SLC4A3: variants seen among roughly 807,000 people sequenced by gnomAD.
SLC4A3 encodes the protein anion exchange protein 3.
A neutral mutation model predicts 114.2 loss-of-function variants in SLC4A3; 47 were observed. That is an observed-to-expected ratio of 0.41 (90% CI 0.33 to 0.52). SLC4A3 has a LOEUF of 0.52. SLC4A3 is among the 20% of genes least tolerant of loss of function. SLC4A3 has a pLI of 0.21. For missense variants in SLC4A3, 1,312 were observed against 1,668.3 expected (o/e 0.79, Z 3.72); for synonymous variants, 693 against 710.3 (o/e 0.98, Z 0.39).
rs1699051184 is a variant in SLC4A3, at chr2:219,634,516, G to A, written c.1658G>A (p.Arg553His). Reference protein sequence around the residue: ...ESVLEVPVPVRFLFVMLGPSH... With the variant: ...ESVLEVPVPVHFLFVMLGPSH... ...GTGCTTGAGGTCCCTGTCCCGGTCC[G>A]CTTCCTCTTCGTGATGCTGGGGCCC... is the stretch of plus-strand genomic sequence containing the variant. The change falls in exon 12 of 23, where the codon CGC becomes CAC. Residue 553 changes from arginine to histidine, a missense_variant. This residue lies in a region of SLC4A3 where 771 missense variants were observed against 977.7 expected (regional missense o/e 0.79). Transcript: ENST00000358055. 7 of 1,614,102 alleles carry A rather than the reference G, an allele frequency of 4.3e-6. No homozygotes were observed. Among genetic ancestry groups the A allele is most frequent in the East Asian group, 2.2e-5 (1 of 44,892 alleles).
chr2:219,636,206 T>C lies in SLC4A3; in HGVS notation c.2192-96T>C. On this transcript the variant is annotated intron_variant, in intron 14 of 22. Transcript: ENST00000358055. This position sits in a 1 kb window ranked among gnomAD's most constrained non-coding sequence, Gnocchi z 5.5. Reference sequence around the variant, plus strand: ...TGTGTGTCACTCTAAGGGGCTGCTCTGCTTTTGTTGGGGGCCCCAGTTTAG... The same window carrying C: ...TGTGTGTCACTCTAAGGGGCTGCTCCGCTTTTGTTGGGGGCCCCAGTTTAG... 3 of 1,443,258 alleles carry C rather than the reference T, an allele frequency of 2.1e-6. No homozygotes were observed. The highest frequency in any genetic ancestry group is 2.9e-6 in the Non-Finnish European group (3 of 1,042,596). The allele number at this position is 1,443,258 out of a possible 1,614,324, so 89.4% of individuals were successfully genotyped here.
rs765993437 is a variant in SLC4A3, at chr2:219,637,697, C to A, written c.2652C>A (p.Pro884=). ...CCCTGCCCCCCACCGAGGGCCCCCC[C>A]AGCCCGAGGAACCAGCCCAATACGG... ...GSALPPTEGP[P]SPRNQPNTAL... The change falls in exon 17 of 23, where the codon CCC becomes CCA. Residue 884 remains proline, a synonymous_variant. Coordinates refer to ENST00000358055, the MANE Select transcript of SLC4A3 (RefSeq NM_005070.4). The surrounding 1 kb of genome is among the most constrained non-coding windows in gnomAD (Gnocchi z 4.6). 3.1e-6 allele frequency: 5 copies of A among 1,613,106 alleles called. No homozygotes were observed. Among genetic ancestry groups the A allele is most frequent in the African/African-American group, 2.7e-5 (2 of 74,890 alleles).
rs1278371476 is a variant in SLC4A3, at chr2:219,629,667, A to G, written c.583A>G (p.Thr195Ala). 6.2e-7 allele frequency: 1 copy of G among 1,612,356 alleles called. No individual in the cohort carries two copies. Among genetic ancestry groups the G allele is most frequent in the Non-Finnish European group, 8.5e-7 (1 of 1,179,408 alleles). The change falls in exon 5 of 23, where the codon ACT (threonine) becomes GCT (alanine). Residue 195 changes from threonine (T) to alanine (A), a missense_variant. Thr to Ala is a moderately conservative substitution (Grantham distance 58). Coordinates refer to ENST00000358055, the MANE Select transcript of SLC4A3 (RefSeq NM_005070.4). ...GCCCCTGCCCTCGGTGGGCCCACAC[A>G]CTGACAAGAGCCCCCAGCACTCCAG... is the stretch of plus-strand genomic sequence containing the variant. Reference protein sequence around the residue: ...TKPLPSVGPHTDKSPQHSSSS... With the variant: ...TKPLPSVGPHADKSPQHSSSS...
Position 219,630,538 on chromosome 2 carries a change from A to C in SLC4A3, c.811+186A>C, listed in dbSNP as rs908047671. 6.6e-6 allele frequency among the ~76,000 whole-genome samples: 1 copy of C among 152,082 alleles called. No homozygotes were observed. Among genetic ancestry groups the C allele is most frequent in the Non-Finnish European group, 1.5e-5 (1 of 68,002 alleles). Reference sequence around the variant, plus strand: ...CCCAGCCACCCTCTCTGACGGCCAGAGCTGAGATTTCCTTTCCTGACACCT... The same window carrying C: ...CCCAGCCACCCTCTCTGACGGCCAGCGCTGAGATTTCCTTTCCTGACACCT... On this transcript the variant is annotated intron_variant, in intron 6 of 22. Transcript: ENST00000358055. This position sits in a 1 kb window ranked among gnomAD's most constrained non-coding sequence, Gnocchi z 6.9.
rs967037301 is a variant in SLC4A3 at position 219,637,944 on chromosome 2, G to T, written c.2766+133G>T. The T allele has an allele frequency of 2.7e-6, 2 of 745,932 alleles. No individual in the cohort carries two copies. Among genetic ancestry groups the T allele is most frequent in the Non-Finnish European group, 4.6e-6 (2 of 438,424 alleles). The allele number at this position is 745,932 out of a possible 1,614,324, so 46.2% of individuals were successfully genotyped here. On this transcript the variant is annotated intron_variant, in intron 17 of 22. Coordinates refer to ENST00000358055, the MANE Select transcript of SLC4A3 (RefSeq NM_005070.4). The surrounding 1 kb of genome is among the most constrained non-coding windows in gnomAD (Gnocchi z 4.6). The stretch of plus-strand genomic sequence containing the variant: ...AGCTCGGGCAGCCCCTCACCCCTTC[G>T]GAAGCCTCTTCCCTGGGTGTCTTCT...
chr2:219,636,673 C>T lies in SLC4A3; in HGVS notation c.2341-7C>T, dbSNP rs1246430782. 6.2e-7 allele frequency: 1 copy of T among 1,611,776 alleles called. No homozygotes were observed. Among genetic ancestry groups the T allele is most frequent in the Non-Finnish European group, 8.5e-7 (1 of 1,178,752 alleles). On this transcript the variant is annotated splice_region_variant and splice_polypyrimidine_tract_variant and intron_variant, in intron 15 of 22. Transcript: ENST00000358055. This position sits in a 1 kb window ranked among gnomAD's most constrained non-coding sequence, Gnocchi z 5.5. ...TGTGGGTAACGACCGCTCCTACCCC[C>T]ACCTAGTTCTGCCGAGCCCAGGACC...
chr2:219,636,242 A>G lies in SLC4A3; in HGVS notation c.2192-60A>G, dbSNP rs950055463. ...GGGGCCCCAGTTTAGGACAAGCTAG[A>G]TGAAGAAGGGGGCAGATAGACAGAG... On this transcript the variant is annotated intron_variant, in intron 14 of 22. Coordinates refer to ENST00000358055, the MANE Select transcript of SLC4A3 (RefSeq NM_005070.4). This position sits in a 1 kb window ranked among gnomAD's most constrained non-coding sequence, Gnocchi z 5.5. 5 of 1,601,616 alleles carry G rather than the reference A, an allele frequency of 3.1e-6. No homozygotes were observed. The highest frequency in any genetic ancestry group is 2.7e-5 in the African/African-American group (2 of 74,724).
rs1698780721 is a variant in SLC4A3, at chr2:219,628,078, G to A, written c.51+35G>A. On this transcript the variant is annotated intron_variant, in intron 2 of 22. Transcript: ENST00000358055. This position sits in a 1 kb window ranked among gnomAD's most constrained non-coding sequence, Gnocchi z 4.8. ...GCGCGCGGGGGCGGGGGAGAGATGG[G>A]GGAGGAGAGGGGAGGGACCTTAGGG... The A allele has an allele frequency of 2.0e-6, 3 of 1,482,590 alleles. No homozygotes were observed. Among genetic ancestry groups the A allele is most frequent in the Non-Finnish European group, 2.7e-6 (3 of 1,106,700 alleles). 91.8% of individuals were successfully genotyped at this position (1,482,590 alleles called of 1,614,324 possible).
Position 219,635,297 on chromosome 2 carries a change from A to C in SLC4A3, c.1773A>C (p.Ala591=). 6.2e-7 allele frequency: 1 copy of C among 1,614,128 alleles called. No individual in the cohort carries two copies. The change falls in exon 13 of 23, where the codon GCA becomes GCC. Residue 591 remains alanine, a synonymous_variant. Transcript: ENST00000358055. ...TGTTTCATGAGGCTGCCTACCAGGC[A>C]GATGACCGGCAAGACCTCCTAAGTG... ...DKLFHEAAYQ[A]DDRQDLLSAI...
Position 219,640,803 on chromosome 2 carries a change from G to T in SLC4A3, c.3462G>T (p.Arg1154=), listed in dbSNP as rs368650076. 4.1e-5 allele frequency: 66 copies of T among 1,611,694 alleles called. No individual in the cohort carries two copies. Among genetic ancestry groups the T allele is most frequent in the Non-Finnish European group, 5.4e-5 (64 of 1,179,750 alleles). ...QPYVTKVKTW[R]MHLFTCIQLG... is the part of the protein sequence containing the mutation. ...TGCTCCCCTAGGTGAAGACGTGGCG[G>T]ATGCATCTGTTCACCTGCATCCAGC... The change falls in exon 22 of 23, where the codon CGG becomes CGT. Residue 1154 remains arginine, a synonymous_variant. Coordinates refer to ENST00000358055, the MANE Select transcript of SLC4A3 (RefSeq NM_005070.4).
chr2:219,641,317 GT>G lies in SLC4A3; in HGVS notation c.3622-329del, dbSNP rs530703318. Among the ~76,000 whole-genome samples, 31 of 152,286 alleles carry G rather than the reference GT, an allele frequency of 2.0e-4. No individual in the cohort carries two copies. In the East Asian group the frequency reaches 5.4e-3, roughly 27 times the overall value. ...GGCACTGGTGTCCACCCTGAGCCCT[GT>G]TTTTGTCAACTAGAGGAAAAGACAT... is the stretch of plus-strand genomic sequence containing the variant. On this transcript the variant is annotated intron_variant, in intron 22 of 22. Transcript: ENST00000358055. The surrounding 1 kb of genome is among the most constrained non-coding windows in gnomAD (Gnocchi z 4.0).
At position 219,627,707 on chromosome 2, in the gene SLC4A3, G is replaced by A; in HGVS notation, c.-132G>A. The A allele has an allele frequency of 4.4e-6, 1 of 226,994 alleles. No individual in the cohort carries two copies. Among genetic ancestry groups the A allele is most frequent in the Non-Finnish European group, 8.6e-6 (1 of 116,762 alleles). The allele number at this position is 226,994 out of a possible 1,614,324, so 14.1% of individuals were successfully genotyped here. A position where few individuals can be genotyped will look rare whatever the true frequency, so the allele number is the denominator to read the frequency against. ...AGAGAGCGCGGGGGACATGGGGCGC[G>A]GCGGCCCGCCTGGGCCTCGCAGGCT... On this transcript the variant is annotated 5_prime_UTR_variant, in exon 1 of 23. Transcript: ENST00000358055.
In SLC4A3 at chr2:219,638,439, G is replaced by A. The variant is rs1200898891; in HGVS notation, c.2856+186G>A. 6.6e-6 allele frequency among the ~76,000 whole-genome samples: 1 copy of A among 152,212 alleles called. No homozygotes were observed. The highest frequency in any genetic ancestry group is 6.5e-5 in the Admixed American group (1 of 15,294). On this transcript the variant is annotated intron_variant, in intron 18 of 22. Coordinates refer to ENST00000358055, the MANE Select transcript of SLC4A3 (RefSeq NM_005070.4). This position sits in a 1 kb window ranked among gnomAD's most constrained non-coding sequence, Gnocchi z 7.5. ...AGTGATGAATCCGGGAGAAGCAGGT[G>A]TGGGGCTGGGAGCAGAATGACAGTA...
chr2:219,640,542 T>C lies in SLC4A3; in HGVS notation c.3390T>C (p.Arg1130=). 1 of 1,614,096 alleles carries C rather than the reference T, an allele frequency of 6.2e-7. No individual in the cohort carries two copies. Among genetic ancestry groups the C allele is most frequent in the East Asian group, 2.2e-5 (1 of 44,872 alleles). Residue 1130 remains arginine (R), a synonymous_variant, in exon 21 of 23, where the codon CGT becomes CGC. Transcript: ENST00000358055. ...TSLSGIQLSQ[R]LLLILMPAKH... is the part of the protein sequence containing the mutation. Reference sequence around the variant, plus strand: ...TGTCTGGTATCCAGCTGTCCCAGCGTTTGTTGCTCATCCTCATGCCGGCAA... The same window carrying C: ...TGTCTGGTATCCAGCTGTCCCAGCGCTTGTTGCTCATCCTCATGCCGGCAA...
chr2:219,633,609 G>A (rs140709275), intron 10 of SLC4A3, 152 bp downstream of exon 10: 7 of 818,160 alleles, frequency 8.6e-6, no homozygotes, highest in Admixed American at 3.2e-5. Context: ...CGCATGAGGG[G>A]TCCCTGCCCT....
rs201033526 is a variant in SLC4A3, at chr2:219,638,753, G to A, written c.2907G>A (p.Ser969=). ...CAGTGACCTCTCCCGATAAGCGCTC[G>A]TGGTTCATCCCACCCCTGGGCAGTG... is the stretch of plus-strand genomic sequence containing the variant. ...GLSVTSPDKR[S]WFIPPLGSAR... Residue 969 remains serine (S), a synonymous_variant, in exon 19 of 23, where the codon TCG becomes TCA. Transcript: ENST00000358055. The surrounding 1 kb of genome is among the most constrained non-coding windows in gnomAD (Gnocchi z 7.5). The A allele has an allele frequency of 4.8e-5, 78 of 1,614,124 alleles. 1 individual carries two copies. The highest frequency in any genetic ancestry group is 4.1e-4 in the South Asian group (37 of 91,086).
In SLC4A3 at chr2:219,633,998, C is replaced by T. The variant is rs535714342; in HGVS notation, c.1561+19C>T. The T allele has an allele frequency of 2.3e-5, 36 of 1,537,522 alleles. 1 individual carries two copies. The highest frequency in any genetic ancestry group is 1.4e-4 in the African/African-American group (10 of 73,082). ...CTTGTGGGTGAGGAGGGCCGGGCGCCGGGGGCAGGGTCTGCAGTGTGTGTG... is the reference window on the plus strand; with the variant it reads ...CTTGTGGGTGAGGAGGGCCGGGCGCTGGGGGCAGGGTCTGCAGTGTGTGTG... On this transcript the variant is annotated intron_variant, in intron 11 of 22. Coordinates refer to ENST00000358055, the MANE Select transcript of SLC4A3 (RefSeq NM_005070.4).
In SLC4A3 at chr2:219,638,445, C is replaced by T. The variant is rs542860424; in HGVS notation, c.2856+192C>T. Reference sequence around the variant, plus strand: ...GAATCCGGGAGAAGCAGGTGTGGGGCTGGGAGCAGAATGACAGTATCCCAC... The same window carrying T: ...GAATCCGGGAGAAGCAGGTGTGGGGTTGGGAGCAGAATGACAGTATCCCAC... On this transcript the variant is annotated intron_variant, in intron 18 of 22. Transcript: ENST00000358055. The surrounding 1 kb of genome is among the most constrained non-coding windows in gnomAD (Gnocchi z 7.5). Among the ~76,000 whole-genome samples, 4 of 152,184 alleles carry T rather than the reference C, an allele frequency of 2.6e-5. No individual in the cohort carries two copies. Among genetic ancestry groups the T allele is most frequent in the Non-Finnish European group, 5.9e-5 (4 of 68,014 alleles).
Position 219,635,776 on chromosome 2 carries a change from G to T in SLC4A3, c.2076G>T (p.Arg692=). 6.3e-7 allele frequency: 1 copy of T among 1,594,432 alleles called. No homozygotes were observed. Among genetic ancestry groups the T allele is most frequent in the Non-Finnish European group, 8.5e-7 (1 of 1,172,866 alleles). Residue 692 remains arginine (R), a synonymous_variant, in exon 14 of 23, where the codon CGG becomes CGT. Coordinates refer to ENST00000358055, the MANE Select transcript of SLC4A3 (RefSeq NM_005070.4). ...GGCTTGTGCGGGATGTGAGGCGCCG[G>T]TACCCGCACTACCCCAGTGACCTGC... ...FGGLVRDVRR[R]YPHYPSDLRD...
Sources: allele counts gnomAD v4.1 joint callset (sites outside exome capture counted in the v4.1 genomes callset), GRCh38; gene constraint gnomAD v4.1.1; regional missense constraint gnomAD v4.1.1; non-coding constraint Gnocchi (gnomAD v3.1); transcripts MANE v1.5; gene names NCBI Gene and HGNC (gene_info 2026-07-23, HGNC 2026-07-21).